The following NRXN1 variants were observed in gnomAD, a reference collection of about 807,000 sequenced individuals.
The protein encoded by NRXN1 is neurexin 1, also known as neurexin-1.
NRXN1 carries 39 observed loss-of-function variants against 150.9 expected under a neutral mutation model. The ratio of observed to expected loss-of-function variants is 0.26; its 90% CI spans 0.20 to 0.34. The LOEUF is 0.34. Ranked by LOEUF, NRXN1 falls within the 10% of genes least tolerant of loss-of-function variation. NRXN1 has a pLI of 1.00. For missense variants in NRXN1, 1,815 were observed against 1,949.9 expected, an observed-to-expected ratio of 0.93 and a Z score of 1.30; for synonymous variants, 924 against 757.0, an observed-to-expected ratio of 1.22 and a Z score of -3.62.
chr2:49,992,310 T>C (rs1573272309), intron 21 of NRXN1, among the ~76,000 whole-genome samples: 1 of 151,072 alleles, frequency 6.6e-6, no homozygotes, highest in African/African-American at 2.4e-5. Flanking sequence ...GAGGCCAAGG[T>C]GGGTGAATCA....
chr2:49,998,015 C>T (rs1026320991), intron 21 of NRXN1, among the ~76,000 whole-genome samples: 1 of 152,116 alleles, frequency 6.6e-6, no homozygotes, highest in Non-Finnish European at 1.5e-5. Context: ...AAAAGAGAGC[C>T]AGGTCAGCAG....
intron 5 of NRXN1, among the ~76,000 whole-genome samples, chr2:50,704,490 T>C (rs1249069143): frequency 6.6e-6 from 1 of 151,934 alleles, no homozygotes; most frequent in Non-Finnish European, 1.5e-5. Flanking sequence ...TTCTAAAGCA[T>C]TAATTTAGAA....
At chr2:50,590,288 A>G (rs559880127) in intron 8 of NRXN1, among the ~76,000 whole-genome samples, 1 of 152,254 alleles carries the variant, frequency 6.6e-6, no homozygotes, top group East Asian at 1.9e-4. Context: ...TGGTTATGGA[A>G]TGTGCTTGTA....
At chr2:50,264,418 G>C (rs1256387370) in intron 17 of NRXN1, among the ~76,000 whole-genome samples, 2 of 152,052 alleles carry the variant, frequency 1.3e-5, no homozygotes, top group Non-Finnish European at 2.9e-5. Context: ...CAATATCCAT[G>C]TACAGGTAAA....
At chr2:50,617,379 A>G (rs1186056465) in intron 8 of NRXN1, among the ~76,000 whole-genome samples, 1 of 151,748 alleles carries the variant, frequency 6.6e-6, no homozygotes, top group Non-Finnish European at 1.5e-5. Context: ...GAGGTTGCAG[A>G]GAGCTGAGAT....
chr2:50,920,888 C>G (rs1685932552), intron 5 of NRXN1, among the ~76,000 whole-genome samples: 1 of 151,620 alleles, frequency 6.6e-6, no homozygotes, highest in Non-Finnish European at 1.5e-5. Context: ...GATATCATTT[C>G]TTACATATTG....
At chr2:50,746,195 A>T (rs1343352924) in intron 5 of NRXN1, among the ~76,000 whole-genome samples, 2 of 152,090 alleles carry the variant, frequency 1.3e-5, no homozygotes, top group African/African-American at 4.8e-5. Flanking sequence ...CAAGAACATT[A>T]AGGATTAAGG....
intron 5 of NRXN1, among the ~76,000 whole-genome samples, chr2:50,813,942 T>C (rs1008482787): frequency 3.0e-4 from 38 of 125,212 alleles, no homozygotes; most frequent in African/African-American, 1.0e-3. Context: ...GCTTAGTTGT[T>C]TCTACCAAGA....
intron 19 of NRXN1, among the ~76,000 whole-genome samples, chr2:50,055,756 A>C (rs1693499783): frequency 2.0e-5 from 3 of 152,190 alleles, no homozygotes. Flanking sequence ...TAACATGTTG[A>C]AGCAAATAAC....
chr2:50,810,249 A>G (rs979792224), intron 5 of NRXN1, among the ~76,000 whole-genome samples: 2 of 152,192 alleles, frequency 1.3e-5, no homozygotes, highest in Non-Finnish European at 1.5e-5. Flanking sequence ...CTCAGCCACG[A>G]ACTACCATTG....
At chr2:50,021,365 G>A (rs1306101628) in intron 21 of NRXN1, among the ~76,000 whole-genome samples, 2 of 152,148 alleles carry the variant, frequency 1.3e-5, no homozygotes, top group Non-Finnish European at 2.9e-5. Flanking sequence ...AGCTAGTATA[G>A]CAGGATGGAA....
intron 5 of NRXN1, among the ~76,000 whole-genome samples, chr2:50,908,605 T>C (rs2104053755): frequency 6.6e-6 from 1 of 152,048 alleles, no homozygotes; most frequent in East Asian, 1.9e-4. Flanking sequence ...CTGTGAAGGA[T>C]GGTTTGAAAG....
chr2:50,001,169 T>G (rs1683850894), intron 21 of NRXN1, among the ~76,000 whole-genome samples: 1 of 152,180 alleles, frequency 6.6e-6, no homozygotes, highest in African/African-American at 2.4e-5. Context: ...CTGAGCTATT[T>G]AACATCTCTA....
chr2:50,552,676 C>T lies in NRXN1; in HGVS notation c.1670G>A (p.Gly557Glu). 6.2e-7 allele frequency: 1 copy of T among 1,613,752 alleles called. No homozygotes were observed. The highest frequency in any genetic ancestry group is 8.5e-7 in the Non-Finnish European group (1 of 1,179,782). Residue 557 changes from glycine (G) to glutamate (E), a missense_variant, in exon 9 of 23, where the codon GGG (glycine) becomes GAG (glutamate). This residue lies in a region of NRXN1 where 638 missense variants were observed against 652.6 expected (regional missense o/e 0.98). Coordinates refer to ENST00000401669, the MANE Select transcript of NRXN1 (RefSeq NM_001330078.2). ...GGCTTTTATTTTTATAGTACCTGAC[C>T]CCATGTCCAGGAGGAGGTAGAGGTG... ...DGHLYLLLDM[G>E]SGTIKIKALL...
At chr2:50,075,558 A>AT (rs1696956159) in intron 19 of NRXN1, among the ~76,000 whole-genome samples, 2 of 152,208 alleles carry the variant, frequency 1.3e-5, no homozygotes, top group South Asian at 2.1e-4. Flanking sequence ...TAGGCACTGC[A>AT]TATTACAGGA....
intron 18 of NRXN1, among the ~76,000 whole-genome samples, chr2:50,206,402 A>G (rs1489215798): frequency 6.6e-6 from 1 of 152,074 alleles, no homozygotes; most frequent in Non-Finnish European, 1.5e-5. Flanking sequence ...AATGTATGTC[A>G]GAAGATAATA....
At chr2:49,979,613 G>A (rs1230334222) in intron 21 of NRXN1, among the ~76,000 whole-genome samples, 1 of 152,102 alleles carries the variant, frequency 6.6e-6, no homozygotes, top group Admixed American at 6.5e-5. Flanking sequence ...AAAGACATAT[G>A]TCAGAAAGTA....
At chr2:50,350,072 C>G (rs1432405620) in intron 17 of NRXN1, among the ~76,000 whole-genome samples, 2 of 152,168 alleles carry the variant, frequency 1.3e-5, no homozygotes, top group Non-Finnish European at 2.9e-5. Context: ...AATACTGAAC[C>G]ATTGCTCCCA....
intron 17 of NRXN1, among the ~76,000 whole-genome samples, chr2:50,379,494 C>A (rs767279016): frequency 2.6e-5 from 4 of 152,006 alleles, no homozygotes; most frequent in Non-Finnish European, 5.9e-5. Flanking sequence ...GACTGCTAGG[C>A]AGAGCACCAT....
Sources: allele counts gnomAD v4.1 joint callset (sites outside exome capture counted in the v4.1 genomes callset), GRCh38; gene constraint gnomAD v4.1.1; regional missense constraint gnomAD v4.1.1; transcripts MANE v1.5; gene names NCBI Gene and HGNC (gene_info 2026-07-23, HGNC 2026-07-21).